Variants in UPB1 observed in about 807,000 individuals in gnomAD.
UPB1 encodes beta-ureidopropionase.
UPB1 carries 40 observed loss-of-function variants against 49.1 expected under a neutral mutation model. The ratio of observed to expected loss-of-function variants is 0.81; its 90% CI spans 0.63 to 1.06. The LOEUF (loss-of-function observed/expected upper bound fraction) is 1.06, where lower values mean the gene tolerates loss of function less well. UPB1 is among the 50% of genes least tolerant of loss of function. UPB1 has a pLI of 0.00. For missense variants in UPB1, 499 were observed against 505.9 expected, an observed-to-expected ratio of 0.99 and a Z score of 0.13; for synonymous variants, 207 against 198.2, an observed-to-expected ratio of 1.04 and a Z score of -0.38.
In UPB1 at chr22:24,510,885, G is replaced by T; in HGVS notation, c.459+42G>T. The T allele has an allele frequency of 1.9e-6, 3 of 1,599,252 alleles. No individual in the cohort carries two copies. The South Asian group carries it at 3.3e-5, about 18-fold the overall frequency. On this transcript the variant is annotated intron_variant, in intron 4 of 9. Coordinates refer to ENST00000326010, the MANE Select transcript of UPB1 (RefSeq NM_016327.3). The stretch of plus-strand genomic sequence containing the variant: ...GCCTCTGGCAGCAGCTGCCAAATAT[G>T]TGCAAGTCACAGAGCATGACCACAG...
At chr22:24,516,766 C>T (rs1260730008) in intron 6 of UPB1, 1 of 152,140 alleles carries the variant, frequency 6.6e-6, no homozygotes, top group African/African-American at 2.4e-5. Flanking sequence ...GCTCTGTCAC[C>T]CAGGCTGGAG....
chr22:24,528,333 A>T lies in UPB1; in HGVS notation c.*2539A>T, dbSNP rs1461791698. The T allele has an allele frequency of 2.0e-5, 3 of 152,242 alleles. No homozygotes were observed. Among genetic ancestry groups the T allele is most frequent in the Non-Finnish European group, 2.9e-5 (2 of 68,050 alleles). The allele number at this position is 152,242 out of a possible 1,614,324, so 9.4% of individuals were successfully genotyped here. On this transcript the variant is annotated 3_prime_UTR_variant, in exon 10 of 10. Coordinates refer to ENST00000326010, the MANE Select transcript of UPB1 (RefSeq NM_016327.3). ...ATGCAGGCCCTGTACAGCCAAGGTCATTTCAAGGTTTAACTCATCCCTGGA... is the reference window on the plus strand; with the variant it reads ...ATGCAGGCCCTGTACAGCCAAGGTCTTTTCAAGGTTTAACTCATCCCTGGA...
chr22:24,520,731 A>G (rs769124080), intron 7 of UPB1, among the ~76,000 whole-genome samples: 3 of 152,180 alleles, frequency 2.0e-5, no homozygotes, highest in Non-Finnish European at 4.4e-5. Flanking sequence ...CATTGACCCC[A>G]TACACTTAAC....
Position 24,513,262 on chromosome 22 carries a change from T to C in UPB1, c.460-62T>C. The C allele has an allele frequency of 1.9e-6, 3 of 1,612,600 alleles. 1 individual carries two copies. In the South Asian group the frequency reaches 3.3e-5, roughly 18 times the overall value. On this transcript the variant is annotated intron_variant, in intron 4 of 9. Coordinates refer to ENST00000326010, the MANE Select transcript of UPB1 (RefSeq NM_016327.3). ...TTGATTTAGTAGGATCATTCTTCTTTGATAAAAAACTACAACAATTGGTTT... is the reference window on the plus strand; with the variant it reads ...TTGATTTAGTAGGATCATTCTTCTTCGATAAAAAACTACAACAATTGGTTT...
At position 24,520,536 on chromosome 22, in the gene UPB1, C is replaced by G. The variant is rs1255401760; in HGVS notation, c.873+68C>G. On this transcript the variant is annotated intron_variant, in intron 7 of 9. Coordinates refer to ENST00000326010, the MANE Select transcript of UPB1 (RefSeq NM_016327.3). ...TGGCTCTGGTGGGGACACCCCGTTC[C>G]CTCTGCACACATGCCACAAATCCTA... 4 of 1,547,362 alleles carry G rather than the reference C, an allele frequency of 2.6e-6. No individual in the cohort carries two copies. In the East Asian group the frequency reaches 7.0e-5, roughly 27 times the overall value.
At chr22:24,495,913 C>T (rs1210299049) in intron 1 of UPB1, among the ~76,000 whole-genome samples, 1 of 152,120 alleles carries the variant, frequency 6.6e-6, no homozygotes, top group East Asian at 1.9e-4. Context: ...TGCGGTGACC[C>T]GACCTCTGGC....
At chr22:24,497,609 G>A (rs1013985486) in intron 1 of UPB1, among the ~76,000 whole-genome samples, 4 of 151,670 alleles carry the variant, frequency 2.6e-5, no homozygotes, top group East Asian at 1.9e-4. Flanking sequence ...GCCCTGAGTG[G>A]GGAGGCCTCA....
At chr22:24,524,057 A>C (rs1033340620) in intron 9 of UPB1, among the ~76,000 whole-genome samples, 1 of 152,250 alleles carries the variant, frequency 6.6e-6, no homozygotes, top group Non-Finnish European at 1.5e-5. Flanking sequence ...TTGTCCAGAG[A>C]ATAGAATGGA....
At chr22:24,524,158 C>T (rs972713117) in intron 9 of UPB1, among the ~76,000 whole-genome samples, 2 of 152,230 alleles carry the variant, frequency 1.3e-5, no homozygotes, top group Admixed American at 6.5e-5. Flanking sequence ...CCAGTCCCTG[C>T]AGTCTAGGCC....
At chr22:24,510,002 G>T (rs8139394) in intron 3 of UPB1, among the ~76,000 whole-genome samples, 1,683 of 152,254 alleles carry the variant, frequency 0.011, 35 homozygotes, top group African/African-American at 0.038. Context: ...GGAGGCTGAG[G>T]TGGGCGGATC....
chr22:24,497,775 A>G (rs973925426), intron 1 of UPB1, among the ~76,000 whole-genome samples: 5 of 152,178 alleles, frequency 3.3e-5, no homozygotes, highest in African/African-American at 9.7e-5. Context: ...GGCTACTATA[A>G]CAGAATACCA....
chr22:24,504,710 T>A (rs1333569710), intron 3 of UPB1, among the ~76,000 whole-genome samples: 1 of 149,610 alleles, frequency 6.7e-6, no homozygotes, highest in East Asian at 2.0e-4. Context: ...CTAATTTTGT[T>A]ATGTATTTCC....
chr22:24,520,343 C>T (rs528800317), intron 6 of UPB1, 44 bp from the exon 7 acceptor site: 23 of 1,607,810 alleles, frequency 1.4e-5, no homozygotes, highest in Admixed American at 1.2e-4. Context: ...ACTGAGTCTG[C>T]CTGGAAAGTC....
intron 4 of UPB1, among the ~76,000 whole-genome samples, chr22:24,511,616 A>ATT (rs758257120): frequency 1.8e-3 from 224 of 125,118 alleles, no homozygotes; most frequent in African/African-American, 6.0e-3. Context: ...ATATATATAT[A>ATT]TATTTTTTTT....
chr22:24,505,336 G>T, intron 3 of UPB1, among the ~76,000 whole-genome samples: 1 of 152,190 alleles, frequency 6.6e-6, no homozygotes, highest in East Asian at 1.9e-4. Context: ...TTAAAAATCT[G>T]TGAGCTCTGA....
intron 3 of UPB1, 128 bp from the exon 4 acceptor site, chr22:24,510,621 C>A: frequency 2.0e-6 from 2 of 999,686 alleles, no homozygotes; most frequent in Non-Finnish European, 3.1e-6. Context: ...AGGAACAGGA[C>A]CCAGAAGCCA....
chr22:24,499,172 A>G (rs1046165770), intron 1 of UPB1, among the ~76,000 whole-genome samples: 17 of 152,062 alleles, frequency 1.1e-4, no homozygotes, highest in African/African-American at 3.9e-4. Context: ...GGGCGGCGAC[A>G]GGGGGCTTGG....
At chr22:24,523,879 C>T in intron 9 of UPB1, 106 bp downstream of exon 9, 3 of 1,540,998 alleles carry the variant, frequency 1.9e-6, no homozygotes, top group Non-Finnish European at 2.7e-6. Context: ...GAGGTACCAG[C>T]TCCCACCTGA....
chr22:24,525,121 A>C (rs531220813), intron 9 of UPB1, among the ~76,000 whole-genome samples: 2 of 152,246 alleles, frequency 1.3e-5, no homozygotes, highest in Admixed American at 6.5e-5. Context: ...TTTTCTCATT[A>C]GACACTTCTT....
Sources: allele counts gnomAD v4.1 joint callset (sites outside exome capture counted in the v4.1 genomes callset), GRCh38; gene constraint gnomAD v4.1.1; transcripts MANE v1.5; gene names NCBI Gene and HGNC (gene_info 2026-07-23, HGNC 2026-07-21).